ESR2: variants seen among roughly 807,000 people sequenced by gnomAD.
ESR2 encodes estrogen receptor 2, also known as estrogen receptor beta.
A neutral mutation model predicts 49.6 loss-of-function variants in ESR2; 36 were observed. The ratio of observed to expected loss-of-function variants is 0.73; its 90% CI spans 0.56 to 0.96. The LOEUF is 0.96. ESR2 is among the 40% of genes least tolerant of loss of function. The pLI, the probability that ESR2 is intolerant of heterozygous loss-of-function variation, is 0.00. For missense variants in ESR2, 714 were observed against 693.0 expected, an observed-to-expected ratio of 1.03 and a Z score of -0.34; for synonymous variants, 320 against 266.1, an observed-to-expected ratio of 1.20 and a Z score of -1.97.
chr14:64,270,702 G>T (rs2076427770), intron 3 of ESR2, among the ~76,000 whole-genome samples: 1 of 152,318 alleles, frequency 6.6e-6, no homozygotes, highest in South Asian at 2.1e-4. Flanking sequence ...TAGAGACGGG[G>T]TTTGGCCGTG....
chr14:64,242,213 C>A (rs2075742342), intron 7 of ESR2, among the ~76,000 whole-genome samples: 1 of 151,932 alleles, frequency 6.6e-6, no homozygotes, highest in Non-Finnish European at 1.5e-5. Context: ...AGTTTGAGAC[C>A]ATCCTGGCCA....
At chr14:64,261,895 G>A (rs993629315) in intron 4 of ESR2, among the ~76,000 whole-genome samples, 1 of 152,034 alleles carries the variant, frequency 6.6e-6, no homozygotes, top group Non-Finnish European at 1.5e-5. Flanking sequence ...GGGACTACAG[G>A]AATATGCCAC....
intron 7 of ESR2, among the ~76,000 whole-genome samples, chr14:64,245,510 A>C (rs1278087873): frequency 1.6e-3 from 10 of 6,228 alleles, no homozygotes; most frequent in South Asian, 9.6e-3. Flanking sequence ...AGACTCTGTC[A>C]AAAAAAAAAA....
chr14:64,280,272 G>A (rs1398403773), intron 2 of ESR2, 119 bp from the exon 3 acceptor site: 5 of 737,082 alleles, frequency 6.8e-6, no homozygotes, highest in Non-Finnish European at 1.1e-5. Flanking sequence ...CAGGGTTCCT[G>A]GTAAATATAT....
chr14:64,242,236 C>A (rs2075742566), intron 7 of ESR2, among the ~76,000 whole-genome samples: 1 of 152,010 alleles, frequency 6.6e-6, no homozygotes, highest in African/African-American at 2.4e-5. Flanking sequence ...ATGGTGAAAC[C>A]TCATCTCTAC....
chr14:64,310,938 C>T (rs2077181394), intron 1 of ESR2, among the ~76,000 whole-genome samples: 2 of 152,144 alleles, frequency 1.3e-5, no homozygotes, highest in South Asian at 4.1e-4. Flanking sequence ...AAATACTTAA[C>T]AATTCAATCT....
chr14:64,275,188 T>C (rs2076533739), intron 3 of ESR2, among the ~76,000 whole-genome samples: 1 of 152,226 alleles, frequency 6.6e-6, no homozygotes, highest in Non-Finnish European at 1.5e-5. Flanking sequence ...ATGCTGAAAG[T>C]GGAGTGTTAA....
intron 1 of ESR2, among the ~76,000 whole-genome samples, chr14:64,289,406 G>T (rs2076834227): frequency 6.6e-6 from 1 of 152,082 alleles, no homozygotes; most frequent in Admixed American, 6.5e-5. Context: ...CAGCTACTCG[G>T]GAGGATGAGG....
At chr14:64,308,861 T>C (rs2077146842) in intron 1 of ESR2, among the ~76,000 whole-genome samples, 1 of 152,056 alleles carries the variant, frequency 6.6e-6, no homozygotes. Context: ...CATTGTAACC[T>C]CAAATTCTTG....
chr14:64,252,601 C>T (rs2076011387), intron 6 of ESR2, among the ~76,000 whole-genome samples: 1 of 152,136 alleles, frequency 6.6e-6, no homozygotes, highest in African/African-American at 2.4e-5. Context: ...TGGCAGAGAG[C>T]AAAGGGAAAC....
chr14:64,237,767 C>T (rs1490488679), intron 7 of ESR2, among the ~76,000 whole-genome samples: 1 of 152,148 alleles, frequency 6.6e-6, no homozygotes. Context: ...CAAAATAAGC[C>T]AGACACAAAG....
intron 1 of ESR2, among the ~76,000 whole-genome samples, chr14:64,315,004 T>C (rs979956950): frequency 3.4e-4 from 52 of 150,978 alleles, no homozygotes; most frequent in African/African-American, 1.1e-3. Context: ...CCCAGCACTC[T>C]GGGAGGCCAA....
chr14:64,258,800 AGAGAGAT>A (rs1207114046), intron 5 of ESR2, among the ~76,000 whole-genome samples: 1 of 152,222 alleles, frequency 6.6e-6, no homozygotes, highest in African/African-American at 2.4e-5. Flanking sequence ...AGCCTACCCA[AGAGAGAT>A]CACGGTTCTT....
intron 1 of ESR2, among the ~76,000 whole-genome samples, chr14:64,291,901 T>G (rs1025973408): frequency 1.3e-5 from 2 of 152,176 alleles, no homozygotes; most frequent in Non-Finnish European, 2.9e-5. Flanking sequence ...AAGTAGTTTT[T>G]TTTTTAATAA....
At chr14:64,248,366 A>G (rs936983203) in intron 7 of ESR2, among the ~76,000 whole-genome samples, 4 of 151,872 alleles carry the variant, frequency 2.6e-5, no homozygotes, top group Admixed American at 1.3e-4. Flanking sequence ...TTAATTAACC[A>G]GGTCTGGTGG....
chr14:64,230,755 C>T lies in ESR2; in HGVS notation c.*2382G>A, dbSNP rs1047811574. Among the ~76,000 whole-genome samples the T allele has an allele frequency of 4.0e-5, 6 of 151,354 alleles. No individual in the cohort carries two copies. The highest frequency in any genetic ancestry group is 7.4e-5 in the Non-Finnish European group (5 of 67,856). On this transcript the variant is annotated 3_prime_UTR_variant, in exon 9 of 9. Transcript: ENST00000341099. The stretch of plus-strand genomic sequence containing the variant: ...ATAGCTCAGCTGGAAACTCACTGTG[C>T]GGCGCTCCTGATACTGCCCACTCGA...
intron 1 of ESR2, among the ~76,000 whole-genome samples, chr14:64,284,916 C>T (rs1229083743): frequency 6.7e-6 from 1 of 149,962 alleles, no homozygotes; most frequent in Admixed American, 6.7e-5. Flanking sequence ...GTGGCGCAAT[C>T]TCGGCTCACT....
chr14:64,268,466 C>CG (rs2076375802), intron 4 of ESR2, among the ~76,000 whole-genome samples: 3 of 152,172 alleles, frequency 2.0e-5, no homozygotes, highest in Non-Finnish European at 4.4e-5. Flanking sequence ...CACAGACAGA[C>CG]GGCCACCCAG....
intron 1 of ESR2, among the ~76,000 whole-genome samples, chr14:64,308,481 A>T (rs1396168379): frequency 1.3e-5 from 2 of 152,222 alleles, no homozygotes; most frequent in East Asian, 3.9e-4. Flanking sequence ...TTTTCCAAAC[A>T]TTTGGAGATT....
Sources: allele counts gnomAD v4.1 joint callset (sites outside exome capture counted in the v4.1 genomes callset), GRCh38; gene constraint gnomAD v4.1.1; transcripts MANE v1.5; gene names NCBI Gene and HGNC (gene_info 2026-07-23, HGNC 2026-07-21).